Variants in MOB3B observed in about 807,000 individuals in gnomAD.
The protein encoded by MOB3B is MOB kinase activator-like 2B.
Under a neutral mutation model 18.7 loss-of-function variants are expected in MOB3B, and 7 were observed. The observed-to-expected ratio is 0.37, with a 90% CI of 0.21 to 0.70. MOB3B has a LOEUF of 0.70. MOB3B is among the 30% of genes least tolerant of loss of function. The probability of loss-of-function intolerance (pLI) is 0.52; values close to 1 mark genes in which losing one functional copy is unlikely to be tolerated. For synonymous variants in MOB3B, 111 were observed against 99.9 expected (o/e 1.11, Z -0.66); for missense variants, 253 against 281.3 (o/e 0.90, Z 0.72).
In MOB3B at chr9:27,430,837, T is replaced by A. The variant is rs1047535734; in HGVS notation, c.418+24296A>T. Among the ~76,000 whole-genome samples, 27 of 151,656 alleles carry A rather than the reference T, an allele frequency of 1.8e-4. 1 individual carries two copies. The highest frequency in any genetic ancestry group is 5.6e-4 in the African/African-American group (23 of 41,212). On this transcript the variant is annotated intron_variant, in intron 2 of 3. Coordinates refer to ENST00000262244, the MANE Select transcript of MOB3B (RefSeq NM_024761.5). ...CAACAACTCCTGGTTCTTACCACCG[T>A]GACATTAACCTTCTAAACCCTCCCG...
At chr9:27,395,746 G>A (rs2131386812) in intron 2 of MOB3B, among the ~76,000 whole-genome samples, 1 of 152,316 alleles carries the variant, frequency 6.6e-6, no homozygotes, top group African/African-American at 2.4e-5. Flanking sequence ...GGTAGCAAGA[G>A]CCCAGGTCCT....
intron 1 of MOB3B, among the ~76,000 whole-genome samples, chr9:27,520,130 C>G (rs764323319): frequency 2.0e-5 from 3 of 152,166 alleles, no homozygotes; most frequent in African/African-American, 7.2e-5. Context: ...TCATGGAGAG[C>G]AATAAATCTT....
chr9:27,411,983 C>G (rs1356901483), intron 2 of MOB3B, among the ~76,000 whole-genome samples: 2 of 151,952 alleles, frequency 1.3e-5, no homozygotes, highest in African/African-American at 4.8e-5. Flanking sequence ...CCTAAAACTG[C>G]TCAAAAAGAT....
At chr9:27,484,253 C>T (rs1819702932) in intron 1 of MOB3B, among the ~76,000 whole-genome samples, 2 of 152,126 alleles carry the variant, frequency 1.3e-5, no homozygotes, top group Non-Finnish European at 2.9e-5. Flanking sequence ...CAGAGAAAAA[C>T]GGGAAGAGAT....
intron 2 of MOB3B, among the ~76,000 whole-genome samples, chr9:27,376,903 C>T (rs1170917449): frequency 7.2e-5 from 11 of 152,356 alleles, no homozygotes; most frequent in African/African-American, 2.6e-4. Flanking sequence ...ATTCCTGGCT[C>T]AAGGATCTAG....
At chr9:27,503,845 G>A (rs1260584183) in intron 1 of MOB3B, among the ~76,000 whole-genome samples, 1 of 152,216 alleles carries the variant, frequency 6.6e-6, no homozygotes, top group Non-Finnish European at 1.5e-5. Flanking sequence ...GCAACCCACA[G>A]CCAATGACTG....
At chr9:27,449,773 C>T (rs974827085) in intron 2 of MOB3B, among the ~76,000 whole-genome samples, 12 of 152,092 alleles carry the variant, frequency 7.9e-5, no homozygotes, top group South Asian at 4.2e-4. Flanking sequence ...ATCAGGAGTT[C>T]GAGACCAGCC....
chr9:27,417,267 G>C (rs1304234806), intron 2 of MOB3B, among the ~76,000 whole-genome samples: 1 of 152,210 alleles, frequency 6.6e-6, no homozygotes, highest in African/African-American at 2.4e-5. Flanking sequence ...GGGAGGCTGA[G>C]GCAGGAGAAT....
chr9:27,494,529 C>T (rs1368689830), intron 1 of MOB3B, among the ~76,000 whole-genome samples: 2 of 152,032 alleles, frequency 1.3e-5, no homozygotes, highest in African/African-American at 4.8e-5. Flanking sequence ...TAGAAAAGAA[C>T]CTACGTGAAT....
chr9:27,348,727 C>T (rs1489670353), intron 3 of MOB3B, among the ~76,000 whole-genome samples: 1 of 151,986 alleles, frequency 6.6e-6, no homozygotes, highest in Non-Finnish European at 1.5e-5. Flanking sequence ...TAGTAACCTA[C>T]TTCTAATGAA....
At chr9:27,368,835 AGTCCAGC>A (rs1214947467) in intron 2 of MOB3B, among the ~76,000 whole-genome samples, 1 of 152,170 alleles carries the variant, frequency 6.6e-6, no homozygotes, top group Non-Finnish European at 1.5e-5. Flanking sequence ...AGCAACCATG[AGTCCAGC>A]GTGCCTGCTC....
chr9:27,499,897 T>G (rs1363214758), intron 1 of MOB3B, among the ~76,000 whole-genome samples: 1 of 152,132 alleles, frequency 6.6e-6, no homozygotes, highest in African/African-American at 2.4e-5. Flanking sequence ...AATTTTGCCA[T>G]TGTGTTATGT....
intron 2 of MOB3B, among the ~76,000 whole-genome samples, chr9:27,417,715 C>T (rs1822174487): frequency 6.6e-6 from 1 of 152,202 alleles, no homozygotes; most frequent in African/African-American, 2.4e-5. Context: ...AAGTACTTTA[C>T]ATACATGAGC....
chr9:27,403,069 A>T (rs1210001106), intron 2 of MOB3B, among the ~76,000 whole-genome samples: 2 of 152,248 alleles, frequency 1.3e-5, no homozygotes, highest in Non-Finnish European at 2.9e-5. Context: ...ATGGACCGAA[A>T]AAAAAAAGTT....
intron 2 of MOB3B, among the ~76,000 whole-genome samples, chr9:27,451,333 G>C (rs1048520880): frequency 5.9e-5 from 9 of 152,136 alleles, no homozygotes; most frequent in Non-Finnish European, 1.3e-4. Flanking sequence ...GCTTTCACAG[G>C]GACATCTGTT....
chr9:27,330,500 C>T lies in MOB3B; in HGVS notation c.*87G>A. ...CTGCTGTTCCTGGGAGTAGGTGTGT[C>T]ATTTCAGCCAGGGTGGTCCACCTCC... On this transcript the variant is annotated 3_prime_UTR_variant, in exon 4 of 4. Transcript: ENST00000262244. 1.9e-6 allele frequency: 3 copies of T among 1,579,418 alleles called. No homozygotes were observed. The highest frequency in any genetic ancestry group is 2.6e-6 in the Non-Finnish European group (3 of 1,158,164).
chr9:27,466,809 T>C (rs900936685), intron 1 of MOB3B, among the ~76,000 whole-genome samples: 4 of 152,110 alleles, frequency 2.6e-5, no homozygotes, highest in Admixed American at 6.5e-5. Flanking sequence ...GATTCAATTA[T>C]CTCCCCTTGG....
chr9:27,469,882 T>C (rs1449536675), intron 1 of MOB3B, among the ~76,000 whole-genome samples: 1 of 151,896 alleles, frequency 6.6e-6, no homozygotes, highest in African/African-American at 2.4e-5. Context: ...AGCCAGGAAT[T>C]AGAGACCAGC....
intron 2 of MOB3B, among the ~76,000 whole-genome samples, chr9:27,377,054 A>G (rs1015377555): frequency 6.6e-6 from 1 of 152,246 alleles, no homozygotes; most frequent in Non-Finnish European, 1.5e-5. Flanking sequence ...TTCACTGTGA[A>G]GGACATAAGG....
Sources: gnomAD v4.1 joint callset for allele counts (sites outside exome capture counted in the v4.1 genomes callset) on GRCh38, gnomAD v4.1.1 for gene constraint, MANE v1.5 for transcripts, NCBI Gene and HGNC (gene_info 2026-07-23, HGNC 2026-07-21) for gene names.